The following CLEC16A variants were observed in gnomAD, a reference collection of about 807,000 sequenced individuals.
The protein encoded by CLEC16A is C-type lectin domain containing 16A.
Under a neutral mutation model 109.5 loss-of-function variants are expected in CLEC16A, and 51 were observed. The ratio of observed to expected loss-of-function variants is 0.47; its 90% CI spans 0.37 to 0.59. The LOEUF (loss-of-function observed/expected upper bound fraction) is 0.59. Ranked by LOEUF, CLEC16A falls within the 20% of genes least tolerant of loss-of-function variation. The pLI, the probability that CLEC16A is intolerant of heterozygous loss-of-function variation, is 0.00. For synonymous variants in CLEC16A, 673 were observed against 564.2 expected, an observed-to-expected ratio of 1.19 and a Z score of -2.73; for missense variants, 1,339 against 1,394.0, an observed-to-expected ratio of 0.96 and a Z score of 0.63.
chr16:11,132,666 A>C (rs1000639926), intron 22 of CLEC16A, among the ~76,000 whole-genome samples: 14 of 152,318 alleles, frequency 9.2e-5, no homozygotes, highest in Non-Finnish European at 1.5e-4. Context: ...CCTTAGCTTT[A>C]GCTGAAATTG....
chr16:11,075,388 G>GTGTGTGTGTGTGTGTC (rs2049295461), intron 19 of CLEC16A, among the ~76,000 whole-genome samples: 3 of 128,214 alleles, frequency 2.3e-5, no homozygotes, highest in African/African-American at 9.5e-5. Flanking sequence ...CTGTGTGTGT[G>GTGTGTGTGTGTGTGTC]TGTGTGTGTG....
chr16:11,052,429 C>A lies in CLEC16A; in HGVS notation c.1995+788C>A, dbSNP rs1011851855. Reference sequence around the variant, plus strand: ...TTTGGATTTTGCAAAACAGGAATGACCTGTCATTTGCACCTCAGACACGAG... The same window carrying A: ...TTTGGATTTTGCAAAACAGGAATGAACTGTCATTTGCACCTCAGACACGAG... On this transcript the variant is annotated intron_variant, in intron 18 of 23. Transcript: ENST00000409790. Among the ~76,000 whole-genome samples the A allele has an allele frequency of 2.0e-5, 3 of 152,138 alleles. No homozygotes were observed. The East Asian group carries it at 5.8e-4, about 29-fold the overall frequency.
At position 11,166,399 on chromosome 16, in the gene CLEC16A, G is replaced by C; in HGVS notation, c.2653G>C (p.Ala885Pro). 6.2e-7 allele frequency: 1 copy of C among 1,601,138 alleles called. No individual in the cohort carries two copies. Among genetic ancestry groups the C allele is most frequent in the Non-Finnish European group, 8.5e-7 (1 of 1,177,754 alleles). The part of the protein sequence containing the change: ...SVDKVPGFAV[A>P]QCINQHSSPS... ...ACTTTGTCTTGCAGGCTTCGCCGTG[G>C]CCCAGTGCATAAACCAGCACAGCTC... The change falls in exon 23 of 24, where the codon GCC (alanine) becomes CCC (proline). Residue 885 changes from alanine (A) to proline (P), a missense_variant. Coordinates refer to ENST00000409790, the MANE Select transcript of CLEC16A (RefSeq NM_015226.3).
At chr16:11,083,729 C>T (rs1243898691) in intron 19 of CLEC16A, among the ~76,000 whole-genome samples, 1 of 152,252 alleles carries the variant, frequency 6.6e-6, no homozygotes, top group Non-Finnish European at 1.5e-5. Flanking sequence ...CCCTAAGCCC[C>T]AGTCCTCTCC....
intron 15 of CLEC16A, 69 bp downstream of exon 15, chr16:11,042,432 C>G: frequency 7.8e-7 from 1 of 1,278,394 alleles, no homozygotes; most frequent in Non-Finnish European, 1.1e-6. Flanking sequence ...AGGGAAGCTG[C>G]TGGCATCCAG....
At chr16:11,034,125 G>C (rs1417604875) in intron 13 of CLEC16A, among the ~76,000 whole-genome samples, 1 of 152,230 alleles carries the variant, frequency 6.6e-6, no homozygotes, top group Non-Finnish European at 1.5e-5. Context: ...AGGTTGAAAG[G>C]TAATAGGCTA....
At chr16:11,049,813 A>G (rs533302363) in intron 17 of CLEC16A, among the ~76,000 whole-genome samples, 2 of 152,204 alleles carry the variant, frequency 1.3e-5, no homozygotes, top group Admixed American at 6.5e-5. Flanking sequence ...GGGCAGCAGG[A>G]GTAGAGGGGA....
chr16:10,989,786 A>G (rs1050753816), intron 10 of CLEC16A, among the ~76,000 whole-genome samples: 2 of 152,202 alleles, frequency 1.3e-5, no homozygotes, highest in African/African-American at 4.8e-5. Context: ...GCCAGTGGCT[A>G]GGAAAGTAGC....
At chr16:10,964,692 G>A (rs553340312) in intron 3 of CLEC16A, among the ~76,000 whole-genome samples, 78 of 152,280 alleles carry the variant, frequency 5.1e-4, no homozygotes, top group African/African-American at 1.4e-3. Flanking sequence ...GGGGTGGGGC[G>A]ATCAAAACTT....
At chr16:11,029,813 C>G (rs557225235) in intron 13 of CLEC16A, among the ~76,000 whole-genome samples, 9 of 152,072 alleles carry the variant, frequency 5.9e-5, no homozygotes, top group Non-Finnish European at 1.3e-4. Flanking sequence ...TGTAAATACC[C>G]GTGAAATCAT....
At chr16:11,035,293 A>G (rs761711816) in intron 13 of CLEC16A, among the ~76,000 whole-genome samples, 2 of 152,046 alleles carry the variant, frequency 1.3e-5, no homozygotes, top group Non-Finnish European at 2.9e-5. Flanking sequence ...GGTGGCTTCT[A>G]TTTTACGTAT....
chr16:11,011,207 A>C lies in CLEC16A; in HGVS notation c.1303+7902A>C, dbSNP rs548297005. ...CCCTTAGATTTGACATTTGTTGATGATTCTTGCCTGGTTCAGTCACTATCG... is the reference window on the plus strand; with the variant it reads ...CCCTTAGATTTGACATTTGTTGATGCTTCTTGCCTGGTTCAGTCACTATCG... On this transcript the variant is annotated intron_variant, in intron 11 of 23. Coordinates refer to ENST00000409790, the MANE Select transcript of CLEC16A (RefSeq NM_015226.3). Among the ~76,000 whole-genome samples, 58 of 152,324 alleles carry C rather than the reference A, an allele frequency of 3.8e-4. 1 individual carries two copies. Among genetic ancestry groups the C allele is most frequent in the Non-Finnish European group, 2.9e-5 (2 of 68,020 alleles).
chr16:11,122,744 A>G (rs1404668682), intron 20 of CLEC16A, among the ~76,000 whole-genome samples: 1 of 152,062 alleles, frequency 6.6e-6, no homozygotes, highest in Non-Finnish European at 1.5e-5. Flanking sequence ...GATCACCTCA[A>G]ACCTTCATGG....
intron 22 of CLEC16A, among the ~76,000 whole-genome samples, chr16:11,128,587 C>G (rs1054018465): frequency 1.3e-5 from 2 of 152,300 alleles, no homozygotes; most frequent in Middle Eastern, 6.8e-3. Context: ...TTTATCACAC[C>G]ACCCCCGCAA....
intron 10 of CLEC16A, among the ~76,000 whole-genome samples, chr16:10,984,080 G>T (rs1434980129): frequency 6.6e-6 from 1 of 152,162 alleles, no homozygotes; most frequent in South Asian, 2.1e-4. Flanking sequence ...GCAGCCAGGT[G>T]CTCAGGCAGT....
intron 3 of CLEC16A, 40 bp from the exon 4 acceptor site, chr16:10,969,121 C>T (rs1251665737): frequency 2.0e-5 from 31 of 1,560,972 alleles, no homozygotes; most frequent in Non-Finnish European, 2.6e-5. Flanking sequence ...TATCTTTCCT[C>T]CAGCATGAGT....
intron 19 of CLEC16A, among the ~76,000 whole-genome samples, chr16:11,117,353 CACCT>C (rs2052072345): frequency 1.3e-5 from 2 of 152,200 alleles, no homozygotes; most frequent in African/African-American, 4.8e-5. Context: ...CAAAACATCT[CACCT>C]ACCCTCTTCT....
chr16:11,121,971 G>A (rs2052452245), intron 20 of CLEC16A, among the ~76,000 whole-genome samples: 1 of 151,938 alleles, frequency 6.6e-6, no homozygotes, highest in Non-Finnish European at 1.5e-5. Flanking sequence ...GAATCAGAAG[G>A]GTTGAAAGCA....
intron 18 of CLEC16A, 31 bp downstream of exon 18, chr16:11,051,672 G>A (rs1228870277): frequency 1.2e-6 from 2 of 1,608,920 alleles, no homozygotes; most frequent in East Asian, 2.2e-5. Flanking sequence ...TCATCTCCTG[G>A]GCCACTGTTC....
Sources: allele counts gnomAD v4.1 joint callset (sites outside exome capture counted in the v4.1 genomes callset), GRCh38; gene constraint gnomAD v4.1.1; transcripts MANE v1.5; gene names NCBI Gene and HGNC (gene_info 2026-07-23, HGNC 2026-07-21).